Variants in CPQ observed in about 807,000 individuals in gnomAD.
CPQ encodes carboxypeptidase Q, also known as Ser-Met dipeptidase.
A neutral mutation model predicts 45.7 loss-of-function variants in CPQ; 37 were observed. The ratio of observed to expected loss-of-function variants is 0.81; its 90% CI spans 0.62 to 1.07. CPQ has a LOEUF of 1.07. CPQ is among the 50% of genes least tolerant of loss of function. The probability of loss-of-function intolerance (pLI) is 0.00; values close to 1 mark genes in which losing one functional copy is unlikely to be tolerated. For synonymous variants in CPQ, 186 were observed against 205.8 expected, an observed-to-expected ratio of 0.90 and a Z score of 0.82; for missense variants, 537 against 572.9, an observed-to-expected ratio of 0.94 and a Z score of 0.64.
chr8:96,994,145 A>G (rs562732664), intron 5 of CPQ, among the ~76,000 whole-genome samples: 8 of 152,278 alleles, frequency 5.3e-5, no homozygotes, highest in South Asian at 2.1e-4. Flanking sequence ...TCTCTTGCCA[A>G]TCTGCACGGG....
In CPQ at chr8:97,065,836, G is replaced by A. The variant is rs151059347; in HGVS notation, c.1054-173G>A. 6.4e-3 allele frequency among the ~76,000 whole-genome samples: 973 copies of A among 152,188 alleles called. 4 individuals are homozygous for A. Among genetic ancestry groups the A allele is most frequent in the African/African-American group, 0.022 (896 of 41,530 alleles). ...GGCAAATCCTAGGCTGAGTAATTGT[G>A]CATCTCAGAATGGTTAGATAATATG... On this transcript the variant is annotated intron_variant, in intron 6 of 7. Coordinates refer to ENST00000220763, the MANE Select transcript of CPQ (RefSeq NM_016134.4).
At chr8:97,086,696 T>G (rs1377914493) in intron 7 of CPQ, among the ~76,000 whole-genome samples, 3 of 152,180 alleles carry the variant, frequency 2.0e-5, no homozygotes, top group African/African-American at 7.2e-5. Flanking sequence ...ATATATCAAA[T>G]AATACTAGAT....
At chr8:96,738,724 T>G (rs13252200) in intron 1 of CPQ, among the ~76,000 whole-genome samples, 1 of 152,154 alleles carries the variant, frequency 6.6e-6, no homozygotes, top group Non-Finnish European at 1.5e-5. Flanking sequence ...GGTTTTTTGT[T>G]CTTGTGATAG....
intron 5 of CPQ, among the ~76,000 whole-genome samples, chr8:97,010,740 CCTT>C (rs987617939): frequency 2.0e-5 from 3 of 152,144 alleles, no homozygotes; most frequent in Non-Finnish European, 4.4e-5. Flanking sequence ...GGTATAATCT[CCTT>C]CTCTCTGCAG....
At chr8:97,005,438 A>G (rs1434447106) in intron 5 of CPQ, among the ~76,000 whole-genome samples, 1 of 151,962 alleles carries the variant, frequency 6.6e-6, no homozygotes, top group Non-Finnish European at 1.5e-5. Flanking sequence ...GCAGTGGCTC[A>G]CGCCTGTAAT....
chr8:96,794,805 T>G (rs905765204), intron 2 of CPQ, among the ~76,000 whole-genome samples: 1 of 152,160 alleles, frequency 6.6e-6, no homozygotes, highest in Non-Finnish European at 1.5e-5. Context: ...CACAAATTGC[T>G]AGGGTGGGGG....
rs982019423 is a variant in CPQ, at chr8:96,989,892, A to C, written c.961+23846A>C. ...GTGAATAAACTGAAACTCAGAGAGA[A>C]TGTGGTCTATGCAAGACATGGCCCA... is the stretch of plus-strand genomic sequence containing the variant. On this transcript the variant is annotated intron_variant, in intron 5 of 7. Transcript: ENST00000220763. 4.6e-4 allele frequency among the ~76,000 whole-genome samples: 70 copies of C among 152,246 alleles called. 1 individual carries two copies. The highest frequency in any genetic ancestry group is 1.6e-3 in the African/African-American group (68 of 41,546).
chr8:96,895,142 G>A (rs1812427637), intron 4 of CPQ, among the ~76,000 whole-genome samples: 1 of 152,036 alleles, frequency 6.6e-6, no homozygotes, highest in Non-Finnish European at 1.5e-5. Flanking sequence ...GTTTTCTAGA[G>A]TTAATAGAAG....
chr8:97,036,573 A>G (rs1218619909), intron 6 of CPQ, among the ~76,000 whole-genome samples: 1 of 152,142 alleles, frequency 6.6e-6, no homozygotes, highest in African/African-American at 2.4e-5. Flanking sequence ...CCATTTGCCT[A>G]ATCTGCTTTT....
intron 2 of CPQ, among the ~76,000 whole-genome samples, chr8:96,790,213 C>G (rs1331891451): frequency 1.3e-5 from 2 of 152,096 alleles, no homozygotes; most frequent in East Asian, 3.9e-4. Context: ...TCTCTCTTCC[C>G]CCAGGAGAAC....
chr8:96,728,782 C>T (rs1809874594), intron 1 of CPQ, among the ~76,000 whole-genome samples: 1 of 152,040 alleles, frequency 6.6e-6, no homozygotes, highest in African/African-American at 2.4e-5. Flanking sequence ...GAGTGGAGTT[C>T]GTTAGAGCAA....
Position 96,824,807 on chromosome 8 carries a change from C to A in CPQ, c.434-10166C>A, listed in dbSNP as rs188101365. On this transcript the variant is annotated intron_variant, in intron 2 of 7. Coordinates refer to ENST00000220763, the MANE Select transcript of CPQ (RefSeq NM_016134.4). ...AAAAGCTTATTAAAAACTTCCTATT[C>A]ATTTTGTTGATTTCAGTGGTTGGGG... Among the ~76,000 whole-genome samples, 164 of 152,100 alleles carry A rather than the reference C, an allele frequency of 1.1e-3. 1 individual carries two copies. Among genetic ancestry groups the A allele is most frequent in the Admixed American group, 5.0e-3 (76 of 15,246 alleles).
intron 2 of CPQ, among the ~76,000 whole-genome samples, chr8:96,794,650 C>T (rs1586403701): frequency 6.6e-6 from 1 of 152,350 alleles, no homozygotes; most frequent in East Asian, 1.9e-4. Context: ...CATTGTCAGG[C>T]TGCAAATTTT....
intron 1 of CPQ, among the ~76,000 whole-genome samples, chr8:96,660,467 G>A (rs1815687016): frequency 6.6e-6 from 1 of 152,098 alleles, no homozygotes; most frequent in South Asian, 2.1e-4. Context: ...ATGAATTTTG[G>A]GGAACACAAT....
chr8:96,889,602 C>G (rs913558943), intron 4 of CPQ, among the ~76,000 whole-genome samples: 1 of 152,134 alleles, frequency 6.6e-6, no homozygotes, highest in Non-Finnish European at 1.5e-5. Context: ...AGTTGAGGAA[C>G]AAGGAAGCCA....
At chr8:96,780,650 A>G (rs574075401) in intron 1 of CPQ, among the ~76,000 whole-genome samples, 2 of 152,052 alleles carry the variant, frequency 1.3e-5, no homozygotes, top group Non-Finnish European at 2.9e-5. Context: ...ACACTTACAA[A>G]ACATTTCAAT....
At chr8:96,851,858 G>A (rs1295924604) in intron 3 of CPQ, among the ~76,000 whole-genome samples, 1 of 152,182 alleles carries the variant, frequency 6.6e-6, no homozygotes, top group East Asian at 1.9e-4. Flanking sequence ...TTGTATTCCT[G>A]TGAGGCCCAT....
At chr8:96,793,181 T>A (rs561915594) in intron 2 of CPQ, among the ~76,000 whole-genome samples, 7 of 152,214 alleles carry the variant, frequency 4.6e-5, no homozygotes, top group African/African-American at 1.7e-4. Flanking sequence ...ACTTGCTTAT[T>A]ATAGAAAGCA....
intron 1 of CPQ, among the ~76,000 whole-genome samples, chr8:96,724,761 A>G (rs1210986878): frequency 1.3e-5 from 2 of 152,254 alleles, no homozygotes; most frequent in East Asian, 3.8e-4. Flanking sequence ...AAACAATTCT[A>G]AAATTCATAT....
Sources: allele counts gnomAD v4.1 joint callset (sites outside exome capture counted in the v4.1 genomes callset), GRCh38; gene constraint gnomAD v4.1.1; transcripts MANE v1.5; gene names NCBI Gene and HGNC (gene_info 2026-07-23, HGNC 2026-07-21).